KIRREL3: variants seen among roughly 807,000 people sequenced by gnomAD.
The protein encoded by KIRREL3 is kin of IRRE-like protein 3.
Under a neutral mutation model 89.7 loss-of-function variants are expected in KIRREL3, and 36 were observed. That is an observed-to-expected ratio of 0.40 (90% CI 0.31 to 0.53). The LOEUF (loss-of-function observed/expected upper bound fraction) is 0.53. KIRREL3 is among the 20% of genes least tolerant of loss of function. The pLI is 0.49. For synonymous variants in KIRREL3, 445 were observed against 441.4 expected (o/e 1.01, Z -0.10); for missense variants, 864 against 1,056.6 (o/e 0.82, Z 2.53).
chr11:126,824,738 G>A (rs2213135), intron 1 of KIRREL3, among the ~76,000 whole-genome samples: 131,460 of 152,228 alleles, frequency 0.86, 57,114 homozygotes, highest in East Asian at 1. Flanking sequence ...GCCTTGGTCT[G>A]GCTCAGTAAA....
In KIRREL3 at chr11:126,578,255, A is replaced by G. The variant is rs993510140; in HGVS notation, c.56-15343T>C. On this transcript the variant is annotated intron_variant, in intron 1 of 16. Transcript: ENST00000525144. This position sits in a 1 kb window ranked among gnomAD's most constrained non-coding sequence, Gnocchi z 4.9. Reference sequence around the variant, plus strand: ...GGTCCTGGGATGCTTGCAGCCCAGGAAATGCTCCCTCCCTCTCCCCTCCAG... The same window carrying G: ...GGTCCTGGGATGCTTGCAGCCCAGGGAATGCTCCCTCCCTCTCCCCTCCAG... Among the ~76,000 whole-genome samples, 8 of 152,194 alleles carry G rather than the reference A, an allele frequency of 5.3e-5. No individual in the cohort carries two copies. Among genetic ancestry groups the G allele is most frequent in the Non-Finnish European group, 1.0e-4 (7 of 68,036 alleles).
At chr11:126,600,382 A>G (rs1732626992) in intron 1 of KIRREL3, among the ~76,000 whole-genome samples, 1 of 152,262 alleles carries the variant, frequency 6.6e-6, no homozygotes, top group Non-Finnish European at 1.5e-5. Context: ...TGACCCACAT[A>G]TATTTAGAGG....
chr11:126,512,029 G>A (rs1367236075), intron 4 of KIRREL3, among the ~76,000 whole-genome samples: 1 of 152,188 alleles, frequency 6.6e-6, no homozygotes, highest in Non-Finnish European at 1.5e-5. Flanking sequence ...ACACACGTGG[G>A]ACTGGCTGGC....
rs144597908 is a variant in KIRREL3 at position 126,674,005 on chromosome 11, C to A, written c.56-111093G>T. On this transcript the variant is annotated intron_variant, in intron 1 of 16. Coordinates refer to ENST00000525144, the MANE Select transcript of KIRREL3 (RefSeq NM_032531.4). ...CTGTTAACTGTGTAATATGGGTAAC[C>A]CCTTAACTGCCTCTGGGCCATGGTG... Among the ~76,000 whole-genome samples the A allele has an allele frequency of 4.1e-4, 63 of 152,280 alleles. 1 individual carries two copies. The highest frequency in any genetic ancestry group is 1.5e-3 in the African/African-American group (61 of 41,548).
chr11:126,902,715 A>G (rs534991535), intron 1 of KIRREL3, among the ~76,000 whole-genome samples: 2 of 152,238 alleles, frequency 1.3e-5, no homozygotes, highest in Non-Finnish European at 2.9e-5. Flanking sequence ...AGCAGACAGG[A>G]TGCTGGGCAA....
intron 1 of KIRREL3, among the ~76,000 whole-genome samples, chr11:126,790,277 T>C (rs573270178): frequency 6.6e-6 from 1 of 152,332 alleles, no homozygotes; most frequent in East Asian, 1.9e-4. Flanking sequence ...TCGGTCCACA[T>C]GCTCTGTTGG....
chr11:126,860,078 T>C lies in KIRREL3; in HGVS notation c.55+140377A>G, dbSNP rs1287381020. Among the ~76,000 whole-genome samples the C allele has an allele frequency of 2.6e-5, 4 of 152,142 alleles. No homozygotes were observed. Among genetic ancestry groups the C allele is most frequent in the African/African-American group, 4.8e-5 (2 of 41,430 alleles). The stretch of plus-strand genomic sequence containing the variant: ...AAAGGGGACAGACATTTTTGACCAA[T>C]AGATTAAGTAGCAGGAATTCAGGAA... On this transcript the variant is annotated intron_variant, in intron 1 of 16. Coordinates refer to ENST00000525144, the MANE Select transcript of KIRREL3 (RefSeq NM_032531.4). The surrounding 1 kb of genome is among the most constrained non-coding windows in gnomAD (Gnocchi z 4.6).
chr11:126,828,948 A>G (rs1331532261), intron 1 of KIRREL3, among the ~76,000 whole-genome samples: 1 of 152,180 alleles, frequency 6.6e-6, no homozygotes, highest in African/African-American at 2.4e-5. Flanking sequence ...AGCCAGCAGG[A>G]GAGACAGTAT....
At chr11:126,699,331 A>G (rs1457118281) in intron 1 of KIRREL3, among the ~76,000 whole-genome samples, 1 of 152,246 alleles carries the variant, frequency 6.6e-6, no homozygotes, top group South Asian at 2.1e-4. Context: ...GAGTTGACTC[A>G]CATCACAATT....
intron 1 of KIRREL3, among the ~76,000 whole-genome samples, chr11:126,690,640 T>A (rs544984832): frequency 1.3e-5 from 2 of 152,338 alleles, no homozygotes; most frequent in African/African-American, 4.8e-5. Context: ...TGGACTCAGG[T>A]GAATTCTCCA....
chr11:126,424,384 C>CAGGCA lies in KIRREL3; in HGVS notation c.*195_*196insTGCCT. 1 of 481,370 alleles carries CAGGCA rather than the reference C, an allele frequency of 2.1e-6. No homozygotes were observed. The highest frequency in any genetic ancestry group is 3.8e-6 in the Non-Finnish European group (1 of 260,976). The allele number at this position is 481,370 out of a possible 1,614,324, so 29.8% of individuals were successfully genotyped here. On this transcript the variant is annotated 3_prime_UTR_variant, in exon 17 of 17. Coordinates refer to ENST00000525144, the MANE Select transcript of KIRREL3 (RefSeq NM_032531.4). ...CTCTGTCTGTCTCCCCACCCGCCCACCTCTGGCACACAGCACCTGGGGACC... is the reference window on the plus strand; with the variant it reads ...CTCTGTCTGTCTCCCCACCCGCCCACAGGCACTCTGGCACACAGCACCTGGGGACC...
chr11:126,781,608 G>C (rs1950328633), intron 1 of KIRREL3, among the ~76,000 whole-genome samples: 3 of 152,092 alleles, frequency 2.0e-5, no homozygotes, highest in African/African-American at 4.8e-5. Context: ...GAAGAATGGG[G>C]CTCATCTCCT....
At chr11:126,529,810 C>T (rs1356492541) in intron 2 of KIRREL3, among the ~76,000 whole-genome samples, 1 of 151,250 alleles carries the variant, frequency 6.6e-6, no homozygotes, top group Non-Finnish European at 1.5e-5. Flanking sequence ...TTAATTTTTG[C>T]ACATTACATT....
At chr11:126,803,060 A>C (rs1185968766) in intron 1 of KIRREL3, among the ~76,000 whole-genome samples, 1 of 152,206 alleles carries the variant, frequency 6.6e-6, no homozygotes, top group Non-Finnish European at 1.5e-5. Context: ...AGCCCAGATA[A>C]GATTCCAGGT....
At chr11:126,727,241 G>A (rs1412785986) in intron 1 of KIRREL3, among the ~76,000 whole-genome samples, 1 of 152,214 alleles carries the variant, frequency 6.6e-6, no homozygotes, top group Non-Finnish European at 1.5e-5. Context: ...CTTGGAGGCC[G>A]GCTGGCCACT....
chr11:126,737,709 G>C (rs747153924), intron 1 of KIRREL3, among the ~76,000 whole-genome samples: 1 of 152,026 alleles, frequency 6.6e-6, no homozygotes. Context: ...GGCTTTTTTC[G>C]GTTTCTTAAT....
intron 9 of KIRREL3, 136 bp downstream of exon 9, chr11:126,446,623 T>C (rs1180336801): frequency 9.9e-7 from 1 of 1,008,366 alleles, no homozygotes; most frequent in Non-Finnish European, 1.4e-6. Flanking sequence ...CTTTCTGGGA[T>C]CTTTCTCCCT....
Position 126,802,958 on chromosome 11 carries a change from T to A in KIRREL3, c.55+197497A>T, listed in dbSNP as rs1951086202. Among the ~76,000 whole-genome samples the A allele has an allele frequency of 6.6e-6, 1 of 152,182 alleles. No individual in the cohort carries two copies. The highest frequency in any genetic ancestry group is 6.5e-5 in the Admixed American group (1 of 15,270). On this transcript the variant is annotated intron_variant, in intron 1 of 16. Transcript: ENST00000525144. This position sits in a 1 kb window ranked among gnomAD's most constrained non-coding sequence, Gnocchi z 5.2. ...TCAATGACATTAAGTGAGGACTTAC[T>A]GTGTAAGGGAGCTGTATTCCCTGGA...
chr11:126,977,416 C>A lies in KIRREL3; in HGVS notation c.55+23039G>T, dbSNP rs1331986910. Among the ~76,000 whole-genome samples, 4 of 152,206 alleles carry A rather than the reference C, an allele frequency of 2.6e-5. No homozygotes were observed. The highest frequency in any genetic ancestry group is 6.5e-5 in the Admixed American group (1 of 15,286). On this transcript the variant is annotated intron_variant, in intron 1 of 16. Transcript: ENST00000525144. The surrounding 1 kb of genome is among the most constrained non-coding windows in gnomAD (Gnocchi z 4.7). ...AGCTTTTCATATTGTTTATTTTCTACTGCCTCTGGCGATGCTCCTGATCCT... is the reference window on the plus strand; with the variant it reads ...AGCTTTTCATATTGTTTATTTTCTAATGCCTCTGGCGATGCTCCTGATCCT...
Sources: gnomAD v4.1 joint callset for allele counts (sites outside exome capture counted in the v4.1 genomes callset) on GRCh38, gnomAD v4.1.1 for gene constraint, Gnocchi (gnomAD v3.1) non-coding constraint, MANE v1.5 for transcripts, NCBI Gene and HGNC (gene_info 2026-07-23, HGNC 2026-07-21) for gene names.